CREBBP: variants seen among roughly 807,000 people sequenced by gnomAD.
The protein encoded by CREBBP is CREB binding lysine acetyltransferase, also known as CREB-binding protein.
Under a neutral mutation model 265.0 loss-of-function variants are expected in CREBBP, and 19 were observed. That is an observed-to-expected ratio of 0.07 (90% confidence interval 0.05 to 0.11). The LOEUF (loss-of-function observed/expected upper bound fraction) is 0.11, where lower values mean the gene tolerates loss of function less well. Among genes scored for constraint, CREBBP ranks in the 10% least tolerant of loss-of-function variants. The pLI is 1.00. For missense variants in CREBBP, 2,525 were observed against 3,219.0 expected, an observed-to-expected ratio of 0.78 and a Z score of 5.22; for synonymous variants, 1,457 against 1,223.7, an observed-to-expected ratio of 1.19 and a Z score of -3.98.
chr16:3,816,499 C>A (rs2054038778), intron 2 of CREBBP, among the ~76,000 whole-genome samples: 1 of 152,228 alleles, frequency 6.6e-6, no homozygotes, highest in South Asian at 2.1e-4. Flanking sequence ...AAGAACAATA[C>A]AAAGAGGCAC....
chr16:3,765,003 G>A (rs1381448152), intron 16 of CREBBP, among the ~76,000 whole-genome samples: 2 of 149,944 alleles, frequency 1.3e-5, no homozygotes, highest in Non-Finnish European at 3.0e-5. Context: ...TTTTTGAGAC[G>A]GCGTCTCGCT....
In CREBBP at chr16:3,793,447, A is replaced by G. The variant is rs2141285391; in HGVS notation, c.1155T>C (p.Cys385=). 2 of 1,614,146 alleles carry G rather than the reference A, an allele frequency of 1.2e-6. No individual in the cohort carries two copies. Among genetic ancestry groups the G allele is most frequent in the Non-Finnish European group, 1.7e-6 (2 of 1,180,036 alleles). Residue 385 remains cysteine (C), a synonymous_variant, in exon 4 of 31, where the codon TGT becomes TGC. Coordinates refer to ENST00000262367, the MANE Select transcript of CREBBP (RefSeq NM_004380.3). The part of the protein sequence containing the change: ...GEVRACSLPH[C]RTMKNVLNHM... ...GATTCAAAACGTTTTTCATGGTTCG[A>G]CAATGCGGGAGCGAGCAGGCCCGAA...
chr16:3,872,857 G>A (rs1034264810), intron 1 of CREBBP, among the ~76,000 whole-genome samples: 2 of 152,262 alleles, frequency 1.3e-5, no homozygotes, highest in Admixed American at 1.3e-4. Context: ...TGGCTCAGCA[G>A]AAGAGCTGTC....
chr16:3,725,481 A>C lies in CREBBP; in HGVS notation c.*2237T>G, dbSNP rs908767259. On this transcript the variant is annotated 3_prime_UTR_variant, in exon 31 of 31. Coordinates refer to ENST00000262367, the MANE Select transcript of CREBBP (RefSeq NM_004380.3). The stretch of plus-strand genomic sequence containing the variant: ...CACTTCTTGTTTGAACACATGGCTC[A>C]AGGTTTCCCTACGGGTGGAAAAGAT... 2 of 233,194 alleles carry C rather than the reference A, an allele frequency of 8.6e-6. No homozygotes were observed. The highest frequency in any genetic ancestry group is 1.7e-5 in the Non-Finnish European group (2 of 117,968). The allele number at this position is 233,194 out of a possible 1,614,324, so 14.4% of individuals were successfully genotyped here. A position where few individuals can be genotyped will look rare whatever the true frequency, so the allele number is the denominator to read the frequency against.
chr16:3,864,456 G>A (rs917496877), intron 1 of CREBBP, among the ~76,000 whole-genome samples: 1 of 151,864 alleles, frequency 6.6e-6, no homozygotes, highest in African/African-American at 2.4e-5. Flanking sequence ...ACCAGCCTGG[G>A]CAACATAGCG....
At chr16:3,771,959 C>T (rs1038497663) in intron 13 of CREBBP, among the ~76,000 whole-genome samples, 2 of 151,834 alleles carry the variant, frequency 1.3e-5, no homozygotes, top group African/African-American at 4.8e-5. Flanking sequence ...TACAGGCGTG[C>T]AATACCATGC....
Position 3,731,560 on chromosome 16 carries a change from C to T in CREBBP, c.4891-87G>A, listed in dbSNP as rs2051917548. 3 of 1,500,980 alleles carry T rather than the reference C, an allele frequency of 2.0e-6. No individual in the cohort carries two copies. The highest frequency in any genetic ancestry group is 2.7e-5 in the African/African-American group (2 of 72,730). 93.0% of individuals were successfully genotyped at this position (1,500,980 alleles called of 1,614,324 possible). ...AGGGCAGGCGCAGCCACCCAGCCTG[C>T]AGAATAGGCAGGTGGCTGAGCCTGA... On this transcript the variant is annotated intron_variant, in intron 29 of 30. Transcript: ENST00000262367. This position sits in a 1 kb window ranked among gnomAD's most constrained non-coding sequence, Gnocchi z 7.7.
chr16:3,773,871 G>T lies in CREBBP; in HGVS notation c.2343C>A (p.Asn781Lys). The T allele has an allele frequency of 1.2e-6, 2 of 1,612,336 alleles. No individual in the cohort carries two copies. Among genetic ancestry groups the T allele is most frequent in the Non-Finnish European group, 1.7e-6 (2 of 1,180,028 alleles). ...GAGCGGGCGCCTGGGCCATCATGTTGTTGGTGTGTGCACCCATCATGTTCG... is the reference window on the plus strand; with the variant it reads ...GAGCGGGCGCCTGGGCCATCATGTTTTTGGTGTGTGCACCCATCATGTTCG... ...QPPNMMGAHT[N>K]NMMAQAPAQS... The change falls in exon 13 of 31, where the codon AAC (asparagine) becomes AAA (lysine). Residue 781 changes from asparagine (N) to lysine (K), a missense_variant. Transcript: ENST00000262367.
At chr16:3,848,266 C>T (rs1309015733) in intron 2 of CREBBP, among the ~76,000 whole-genome samples, 1 of 152,000 alleles carries the variant, frequency 6.6e-6, no homozygotes, top group Non-Finnish European at 1.5e-5. Flanking sequence ...AATCTGTTAA[C>T]ATGTGATAAT....
chr16:3,737,989 T>C (rs1292411650), intron 26 of CREBBP, among the ~76,000 whole-genome samples: 1 of 152,074 alleles, frequency 6.6e-6, no homozygotes, highest in Non-Finnish European at 1.5e-5. Flanking sequence ...GGTTTCACCA[T>C]GTTGGTCAGG....
chr16:3,826,701 A>G (rs895521870), intron 2 of CREBBP, among the ~76,000 whole-genome samples: 4 of 152,340 alleles, frequency 2.6e-5, no homozygotes, highest in Admixed American at 6.5e-5. Context: ...TTAAAAACCA[A>G]GGAAAGGCTG....
chr16:3,736,234 G>C lies in CREBBP; in HGVS notation c.4561-31C>G, dbSNP rs80113926. ...TGGGCAAAGCACAACAGTGAGATGA[G>C]GGCCATGCACGCGTGCCCCCCACCA... On this transcript the variant is annotated intron_variant, in intron 27 of 30. Transcript: ENST00000262367. 1.2e-3 allele frequency: 1,899 copies of C among 1,609,796 alleles called. 36 individuals are homozygous for C. The Admixed American group carries it at 0.022, about 18-fold the overall frequency.
intron 1 of CREBBP, among the ~76,000 whole-genome samples, chr16:3,867,947 A>G (rs549197192): frequency 4.6e-5 from 7 of 151,950 alleles, no homozygotes; most frequent in Non-Finnish European, 5.9e-5. Context: ...AAATAAATTT[A>G]AAAAAATAGA....
Position 3,772,102 on chromosome 16 carries a change from T to C in CREBBP, c.2464-1116A>G, listed in dbSNP as rs181475781. Reference sequence around the variant, plus strand: ...GACAGATTGGGGGAGCTACTGTACATTGACCCAGCCTATAAGCTTCATGTT... The same window carrying C: ...GACAGATTGGGGGAGCTACTGTACACTGACCCAGCCTATAAGCTTCATGTT... On this transcript the variant is annotated intron_variant, in intron 13 of 30. Coordinates refer to ENST00000262367, the MANE Select transcript of CREBBP (RefSeq NM_004380.3). 3.2e-4 allele frequency among the ~76,000 whole-genome samples: 48 copies of C among 152,210 alleles called. No individual in the cohort carries two copies. In the East Asian group the frequency reaches 8.1e-3, roughly 26 times the overall value.
chr16:3,860,959 T>C (rs1279196481), intron 1 of CREBBP, among the ~76,000 whole-genome samples: 1 of 152,028 alleles, frequency 6.6e-6, no homozygotes, highest in Admixed American at 6.6e-5. Flanking sequence ...TGCCTCCCTG[T>C]GTACCCCTCC....
intron 20 of CREBBP, among the ~76,000 whole-genome samples, chr16:3,751,067 T>C (rs1371286793): frequency 6.6e-6 from 1 of 151,310 alleles, no homozygotes; most frequent in East Asian, 1.9e-4. Flanking sequence ...AAAAAAAAAA[T>C]TAAAATAAAG....
At chr16:3,755,202 T>C (rs1249678556) in intron 19 of CREBBP, among the ~76,000 whole-genome samples, 1 of 152,224 alleles carries the variant, frequency 6.6e-6, no homozygotes, top group Non-Finnish European at 1.5e-5. Flanking sequence ...ATGCCATCAA[T>C]GACTTCATAT....
At chr16:3,757,250 G>A in intron 19 of CREBBP, 38 bp downstream of exon 19, 1 of 1,492,178 alleles carries the variant, frequency 6.7e-7, no homozygotes. Flanking sequence ...AACGTGCCTT[G>A]CCCTAAGACA....
intron 1 of CREBBP, among the ~76,000 whole-genome samples, chr16:3,854,025 C>G (rs1462174035): frequency 2.0e-5 from 3 of 152,166 alleles, no homozygotes; most frequent in Non-Finnish European, 4.4e-5. Context: ...TGCATGGTGG[C>G]AGACCCTAAT....
Sources: gnomAD v4.1 joint callset for allele counts (sites outside exome capture counted in the v4.1 genomes callset) on GRCh38, gnomAD v4.1.1 for gene constraint, Gnocchi (gnomAD v3.1) non-coding constraint, MANE v1.5 for transcripts, NCBI Gene and HGNC (gene_info 2026-07-23, HGNC 2026-07-21) for gene names.